The following DPP10 variants were observed in gnomAD, a reference collection of about 807,000 sequenced individuals.
The protein encoded by DPP10 is dipeptidyl peptidase like 10.
Under a neutral mutation model 120.9 loss-of-function variants are expected in DPP10, and 33 were observed. The ratio of observed to expected loss-of-function variants is 0.27; its 90% CI spans 0.21 to 0.37. The LOEUF is 0.37. Among genes scored for constraint, DPP10 ranks in the 10% least tolerant of loss-of-function variants. The probability of loss-of-function intolerance (pLI) is 1.00; values close to 1 mark genes in which losing one functional copy is unlikely to be tolerated. For synonymous variants in DPP10, 337 were observed against 326.1 expected (o/e 1.03, Z -0.36); for missense variants, 816 against 942.8 (o/e 0.87, Z 1.76).
intron 1 of DPP10, among the ~76,000 whole-genome samples, chr2:114,727,912 A>G (rs1676498499): frequency 6.6e-6 from 1 of 152,198 alleles, no homozygotes; most frequent in Non-Finnish European, 1.5e-5. Flanking sequence ...AAAAACCCTC[A>G]TTTAATTATT....
At chr2:114,788,507 C>T (rs536106325) in intron 1 of DPP10, among the ~76,000 whole-genome samples, 2 of 151,608 alleles carry the variant, frequency 1.3e-5, no homozygotes, top group Non-Finnish European at 2.9e-5. Context: ...CTTCTGCCTC[C>T]TGAGTTCAAG....
intron 1 of DPP10, among the ~76,000 whole-genome samples, chr2:114,575,844 C>T (rs1690007268): frequency 6.6e-6 from 1 of 152,242 alleles, no homozygotes; most frequent in Non-Finnish European, 1.5e-5. Context: ...ATGTTTCATT[C>T]CAAGCCTGGC....
intron 5 of DPP10, among the ~76,000 whole-genome samples, chr2:115,610,858 C>A (rs2084049501): frequency 6.6e-6 from 1 of 152,198 alleles, no homozygotes; most frequent in Non-Finnish European, 1.5e-5. Context: ...AGAAGAAAAT[C>A]AGTAAACAAT....
chr2:115,535,272 C>A (rs1454272830), intron 5 of DPP10, among the ~76,000 whole-genome samples: 1 of 147,294 alleles, frequency 6.8e-6, no homozygotes, highest in Non-Finnish European at 1.5e-5. Context: ...TTTAATCCAT[C>A]TTGAATTGAT....
intron 1 of DPP10, among the ~76,000 whole-genome samples, chr2:114,650,433 A>G (rs945389746): frequency 6.6e-6 from 1 of 152,170 alleles, no homozygotes; most frequent in African/African-American, 2.4e-5. Context: ...AAAAAGTGAT[A>G]CATGTACGCT....
chr2:114,735,356 C>A (rs1295424090), intron 1 of DPP10, among the ~76,000 whole-genome samples: 2 of 152,104 alleles, frequency 1.3e-5, no homozygotes, highest in African/African-American at 4.8e-5. Flanking sequence ...TGCAAAAAGG[C>A]AGGCGTGAAT....
intron 19 of DPP10, among the ~76,000 whole-genome samples, chr2:115,800,909 G>A (rs1338333259): frequency 6.6e-6 from 1 of 151,122 alleles, no homozygotes; most frequent in Non-Finnish European, 1.5e-5. Context: ...GATTGACTTG[G>A]CAATGCGGGC....
chr2:115,012,905 A>G (rs140740877), intron 1 of DPP10, among the ~76,000 whole-genome samples: 2 of 152,294 alleles, frequency 1.3e-5, no homozygotes, highest in East Asian at 3.9e-4. Context: ...ATCAAACTTA[A>G]ATCAAAAACA....
intron 1 of DPP10, among the ~76,000 whole-genome samples, chr2:115,111,414 G>A (rs2104681921): frequency 6.6e-6 from 1 of 152,098 alleles, no homozygotes; most frequent in Non-Finnish European, 1.5e-5. Flanking sequence ...ATTAAACAGG[G>A]GAGCAAGATT....
intron 1 of DPP10, among the ~76,000 whole-genome samples, chr2:115,088,897 C>G (rs1428871628): frequency 6.6e-6 from 1 of 151,716 alleles, no homozygotes; most frequent in African/African-American, 2.4e-5. Context: ...CCACATTTAA[C>G]TAGGAAAAAA....
At chr2:114,925,183 C>A (rs1695519399) in intron 1 of DPP10, among the ~76,000 whole-genome samples, 2 of 144,924 alleles carry the variant, frequency 1.4e-5, no homozygotes, top group South Asian at 2.2e-4. Flanking sequence ...TGCACTCCAG[C>A]CTGGGCAACA....
chr2:114,637,409 G>A (rs548361267), intron 1 of DPP10, among the ~76,000 whole-genome samples: 3 of 151,902 alleles, frequency 2.0e-5, no homozygotes, highest in South Asian at 2.1e-4. Context: ...TCAGGGGAAC[G>A]ACTGGGGCCC....
At chr2:115,014,149 A>G (rs1702467127) in intron 1 of DPP10, among the ~76,000 whole-genome samples, 1 of 152,234 alleles carries the variant, frequency 6.6e-6, no homozygotes, top group African/African-American at 2.4e-5. Flanking sequence ...ACAGTCTCTC[A>G]CACCGCAGTG....
At chr2:114,771,874 G>A (rs1391361470) in intron 1 of DPP10, among the ~76,000 whole-genome samples, 1 of 152,040 alleles carries the variant, frequency 6.6e-6, no homozygotes, top group Non-Finnish European at 1.5e-5. Flanking sequence ...AAACACTTTA[G>A]ATTTTTTTTT....
intron 1 of DPP10, 60 bp downstream of exon 1, chr2:114,442,898 A>C: frequency 1.3e-6 from 2 of 1,594,512 alleles, no homozygotes; most frequent in Non-Finnish European, 1.7e-6. Flanking sequence ...TACCTAACAC[A>C]TGGGCATTGA....
intron 1 of DPP10, among the ~76,000 whole-genome samples, chr2:115,291,064 T>A (rs1325027999): frequency 6.6e-6 from 1 of 152,042 alleles, no homozygotes; most frequent in South Asian, 2.1e-4. Flanking sequence ...AGTGCAATAG[T>A]GTGATCACAG....
At chr2:115,715,971 T>C (rs2092479879) in intron 7 of DPP10, among the ~76,000 whole-genome samples, 1 of 152,180 alleles carries the variant, frequency 6.6e-6, no homozygotes. Flanking sequence ...ATAATACAAA[T>C]ACAGACATTG....
chr2:115,796,855 T>C (rs1684588432), intron 19 of DPP10, among the ~76,000 whole-genome samples: 1 of 152,072 alleles, frequency 6.6e-6, no homozygotes. Flanking sequence ...ATAACTAAAA[T>C]AGGTCATGTA....
intron 1 of DPP10, among the ~76,000 whole-genome samples, chr2:114,485,836 C>A (rs757128561): frequency 1.3e-5 from 2 of 152,088 alleles, no homozygotes; most frequent in Non-Finnish European, 2.9e-5. Flanking sequence ...ATTATCTGAA[C>A]TTCCACCAAG....
Sources: allele counts gnomAD v4.1 joint callset (sites outside exome capture counted in the v4.1 genomes callset), GRCh38; gene constraint gnomAD v4.1.1; transcripts MANE v1.5; gene names NCBI Gene and HGNC (gene_info 2026-07-23, HGNC 2026-07-21).